Variants in SCN2A observed in about 807,000 individuals in gnomAD.
The protein encoded by SCN2A is sodium voltage-gated channel alpha subunit 2.
A neutral mutation model predicts 188.7 loss-of-function variants in SCN2A; 20 were observed. That is an observed-to-expected ratio of 0.11 (90% CI 0.07 to 0.15). SCN2A has a LOEUF of 0.15. SCN2A is among the 10% of genes least tolerant of loss of function. The pLI is 1.00. For synonymous variants in SCN2A, 804 were observed against 833.1 expected, an observed-to-expected ratio of 0.97 and a Z score of 0.60; for missense variants, 1,278 against 2,445.0, an observed-to-expected ratio of 0.52 and a Z score of 10.07.
intron 25 of SCN2A, 114 bp downstream of exon 25, chr2:165,381,311 T>C: frequency 1.4e-6 from 1 of 726,994 alleles, no homozygotes; most frequent in Non-Finnish European, 2.4e-6. Context: ...GTTTTTTACC[T>C]TAACAATGGG....
chr2:165,342,631 C>T (rs1256651294), intron 15 of SCN2A, among the ~76,000 whole-genome samples, 162 bp downstream of exon 15: 1 of 152,148 alleles, frequency 6.6e-6, no homozygotes, highest in African/African-American at 2.4e-5. Context: ...TCTTCTTCAT[C>T]ATAGCTTTAA....
intron 1 of SCN2A, among the ~76,000 whole-genome samples, chr2:165,246,715 A>G (rs1388000972): frequency 6.6e-6 from 1 of 151,950 alleles, no homozygotes; most frequent in Non-Finnish European, 1.5e-5. Context: ...CTTCATCCTC[A>G]TATTCAGTTC....
rs1355136048 is a variant in SCN2A, at chr2:165,374,893, A to G, written c.4181A>G (p.Gln1394Arg). 1 of 1,613,594 alleles carries G rather than the reference A, an allele frequency of 6.2e-7. No individual in the cohort carries two copies. Among genetic ancestry groups the G allele is most frequent in the Non-Finnish European group, 8.5e-7 (1 of 1,179,674 alleles). The change falls in exon 22 of 27, where the codon CAA (glutamine) becomes CGA (arginine). Residue 1394 changes from glutamine to arginine, a missense_variant. Coordinates refer to ENST00000375437, the MANE Select transcript of SCN2A (RefSeq NM_001040142.2). ...SECKALIESNQTARWKNVKVN... is the reference protein window; with the variant it reads ...SECKALIESNRTARWKNVKVN... ...TGCAAAGCTCTCATTGAGAGCAATCAAACTGCCAGGTGGAAAAATGTGAAA... is the reference window on the plus strand; with the variant it reads ...TGCAAAGCTCTCATTGAGAGCAATCGAACTGCCAGGTGGAAAAATGTGAAA...
At chr2:165,331,298 T>A in intron 13 of SCN2A, 32 bp from the exon 14 acceptor site, 1 of 1,522,064 alleles carries the variant, frequency 6.6e-7, no homozygotes, top group Non-Finnish European at 9.1e-7. Flanking sequence ...AGTAAGCAGT[T>A]TTCATGAGGA....
chr2:165,369,183 C>T (rs931010704), intron 19 of SCN2A, among the ~76,000 whole-genome samples: 1 of 152,100 alleles, frequency 6.6e-6, no homozygotes, highest in South Asian at 2.1e-4. Context: ...CCCGTCTTGG[C>T]CTCTTAAAGT....
Position 165,388,597 on chromosome 2 carries a change from C to A in SCN2A, c.4823-32C>A, listed in dbSNP as rs374036885. 57 of 1,613,166 alleles carry A rather than the reference C, an allele frequency of 3.5e-5. 1 individual carries two copies. The Admixed American group carries it at 8.3e-4, about 24-fold the overall frequency. Reference sequence around the variant, plus strand: ...TTTCATTTGCTACTATTAAGTATAACAATATTTTTGTTATTTGTTGATTTT... The same window carrying A: ...TTTCATTTGCTACTATTAAGTATAAAAATATTTTTGTTATTTGTTGATTTT... On this transcript the variant is annotated intron_variant, in intron 26 of 26. Transcript: ENST00000375437.
chr2:165,361,103 T>C (rs1446730766), intron 17 of SCN2A, among the ~76,000 whole-genome samples: 1 of 152,042 alleles, frequency 6.6e-6, no homozygotes, highest in Non-Finnish European at 1.5e-5. Flanking sequence ...TATTTTATAA[T>C]ATTATGACAT....
Position 165,360,806 on chromosome 2 carries a change from G to A in SCN2A, c.3400-4337G>A, listed in dbSNP as rs1158509103. Among the ~76,000 whole-genome samples, 5 of 151,936 alleles carry A rather than the reference G, an allele frequency of 3.3e-5. 1 individual carries two copies. In the South Asian group the frequency reaches 6.2e-4, roughly 19 times the overall value. Reference sequence around the variant, plus strand: ...GACATATATAGAACTTTTTAAACTGGATCTGCTTCTAGCCAGTTCATATTT... The same window carrying A: ...GACATATATAGAACTTTTTAAACTGAATCTGCTTCTAGCCAGTTCATATTT... On this transcript the variant is annotated intron_variant, in intron 17 of 26. Coordinates refer to ENST00000375437, the MANE Select transcript of SCN2A (RefSeq NM_001040142.2).
intron 26 of SCN2A, 41 bp downstream of exon 26, chr2:165,387,057 T>TA (rs749201361): frequency 6.3e-7 from 1 of 1,585,782 alleles, no homozygotes; most frequent in East Asian, 2.2e-5. Flanking sequence ...AATATAGTGG[T>TA]AAAAATATGT....
At chr2:165,338,207 T>G (rs1322748218) in intron 14 of SCN2A, among the ~76,000 whole-genome samples, 2 of 152,102 alleles carry the variant, frequency 1.3e-5, no homozygotes, top group African/African-American at 4.8e-5. Flanking sequence ...CAACTGATTG[T>G]TTAAAGTGGG....
At chr2:165,297,269 G>A in intron 3 of SCN2A, 134 bp downstream of exon 3, 1 of 636,242 alleles carries the variant, frequency 1.6e-6, no homozygotes, top group Non-Finnish European at 2.9e-6. Context: ...TCAATCGTTA[G>A]CATGTTGCAA....
At chr2:165,275,959 T>C (rs1695321437) in intron 1 of SCN2A, among the ~76,000 whole-genome samples, 1 of 152,104 alleles carries the variant, frequency 6.6e-6, no homozygotes, top group African/African-American at 2.4e-5. Flanking sequence ...GGTCTTGAAC[T>C]CCTAACCTCA....
chr2:165,265,098 G>A (rs1184556759), intron 1 of SCN2A, among the ~76,000 whole-genome samples: 1 of 151,958 alleles, frequency 6.6e-6, no homozygotes, highest in South Asian at 2.1e-4. Flanking sequence ...CAGTGTATAA[G>A]TAAGTGTTCC....
intron 1 of SCN2A, chr2:165,267,102 G>A (rs1438062492): frequency 6.6e-6 from 1 of 151,952 alleles, no homozygotes; most frequent in Non-Finnish European, 1.5e-5. Context: ...TGGATTCAAT[G>A]AAATCCGTAT....
At chr2:165,383,131 G>A (rs998583655) in intron 25 of SCN2A, among the ~76,000 whole-genome samples, 35 of 152,050 alleles carry the variant, frequency 2.3e-4, no homozygotes, top group Non-Finnish European at 2.8e-4. Context: ...CTTAAATATC[G>A]AACAGTATGG....
chr2:165,388,565 T>C (rs1701992014), intron 26 of SCN2A, 64 bp from the exon 27 acceptor site: 8 of 1,606,382 alleles, frequency 5.0e-6, no homozygotes, highest in Non-Finnish European at 6.0e-6. Context: ...AATGTACTTA[T>C]GTAAACTTTC....
chr2:165,389,170 G>A lies in SCN2A; in HGVS notation c.5364G>A (p.Glu1788=), dbSNP rs199925238. Residue 1788 remains glutamate (E), a synonymous_variant, in exon 27 of 27, where the codon GAG becomes GAA. Transcript: ENST00000375437. This position sits in a 1 kb window ranked among gnomAD's most constrained non-coding sequence, Gnocchi z 4.2. The part of the protein sequence containing the change: ...NFSVATEESA[E]PLSEDDFEMF... ...GTGTTGCTACTGAAGAAAGTGCAGAGCCTCTGAGTGAGGATGACTTTGAGA... is the reference window on the plus strand; with the variant it reads ...GTGTTGCTACTGAAGAAAGTGCAGAACCTCTGAGTGAGGATGACTTTGAGA... The A allele has an allele frequency of 1.3e-4, 210 of 1,614,082 alleles. No individual in the cohort carries two copies. The East Asian group carries it at 3.5e-3, about 27-fold the overall frequency.
chr2:165,380,535 G>A, intron 23 of SCN2A, 57 bp from the exon 24 acceptor site: 1 of 1,283,496 alleles, frequency 7.8e-7, no homozygotes, highest in East Asian at 2.3e-5. Context: ...ACTCACTGAT[G>A]TACTTTTTGT....
chr2:165,357,185 C>T (rs1007932238), intron 17 of SCN2A, among the ~76,000 whole-genome samples: 3 of 152,010 alleles, frequency 2.0e-5, no homozygotes, highest in South Asian at 2.1e-4. Context: ...AGAATTTTAC[C>T]TGGTAGCTCT....
Sources: gnomAD v4.1 joint callset for allele counts (sites outside exome capture counted in the v4.1 genomes callset) on GRCh38, gnomAD v4.1.1 for gene constraint, Gnocchi (gnomAD v3.1) non-coding constraint, MANE v1.5 for transcripts, NCBI Gene and HGNC (gene_info 2026-07-23, HGNC 2026-07-21) for gene names.